The following SFXN5 variants were observed in gnomAD, a reference collection of about 807,000 sequenced individuals.
SFXN5 encodes the protein sideroflexin 5.
A neutral mutation model predicts 50.2 loss-of-function variants in SFXN5; 43 were observed. The observed-to-expected ratio is 0.86, with a 90% confidence interval of 0.67 to 1.11. The LOEUF (loss-of-function observed/expected upper bound fraction) is 1.11, where lower values mean the gene tolerates loss of function less well. Among genes scored for constraint, SFXN5 ranks in the 50% least tolerant of loss-of-function variants. The pLI, the probability that SFXN5 is intolerant of heterozygous loss-of-function variation, is 0.00. For missense variants in SFXN5, 463 were observed against 454.1 expected (o/e 1.02, Z -0.18); for synonymous variants, 203 against 185.8 (o/e 1.09, Z -0.75).
rs375578953 is a variant in SFXN5, at chr2:73,022,482, C to A, written c.331+40G>T. ...CCTGGAACTGTGACTGGAGTAAGCACCCCAGGCTGACCAGAACCAGAAGGG... is the reference window on the plus strand; with the variant it reads ...CCTGGAACTGTGACTGGAGTAAGCAACCCAGGCTGACCAGAACCAGAAGGG... On this transcript the variant is annotated intron_variant, in intron 5 of 13. Transcript: ENST00000272433. The A allele has an allele frequency of 7.1e-6, 11 of 1,549,702 alleles. 1 individual carries two copies. In the Middle Eastern group the frequency reaches 5.0e-4, roughly 71 times the overall value.
intron 1 of SFXN5, among the ~76,000 whole-genome samples, chr2:73,066,570 AT>A (rs1388631382): frequency 7.9e-5 from 12 of 152,194 alleles, no homozygotes; most frequent in African/African-American, 2.6e-4. Flanking sequence ...AAAAAAAAAA[AT>A]AAAAGATACA....
At chr2:72,984,918 G>A (rs1671719136) in intron 10 of SFXN5, among the ~76,000 whole-genome samples, 1 of 152,176 alleles carries the variant, frequency 6.6e-6, no homozygotes, top group Non-Finnish European at 1.5e-5. Flanking sequence ...CTGCAGAGGA[G>A]CTGGCAGAGC....
chr2:73,058,691 C>G, intron 1 of SFXN5, 95 bp from the exon 2 acceptor site: 1 of 1,190,580 alleles, frequency 8.4e-7, no homozygotes, highest in South Asian at 1.2e-5. Flanking sequence ...ATTGGGGTCC[C>G]CCGGTCCCCA....
chr2:73,047,281 C>CAT lies in SFXN5; in HGVS notation c.172-6352_172-6351dup, dbSNP rs372933316. Among the ~76,000 whole-genome samples, 183 of 58,430 alleles carry CAT rather than the reference C, an allele frequency of 3.1e-3. 5 individuals are homozygous for CAT. Among genetic ancestry groups the CAT allele is most frequent in the Admixed American group, 0.022 (83 of 3,754 alleles). The allele number at this position is 58,430 out of a possible 152,430, so 38.3% of individuals were successfully genotyped here. On this transcript the variant is annotated intron_variant, in intron 2 of 13. Transcript: ENST00000272433. Reference sequence around the variant, plus strand: ...ATATATATATATATATATATACACACATATATATATATATATAAAATATAT... The same window carrying CAT: ...ATATATATATATATATATATACACACATATATATATATATATATAAAATATAT...
intron 3 of SFXN5, among the ~76,000 whole-genome samples, chr2:73,038,187 G>A (rs1405472023): frequency 6.6e-6 from 1 of 152,212 alleles, no homozygotes; most frequent in Non-Finnish European, 1.5e-5. Context: ...CTGGTTACAA[G>A]CCTGGGTAGT....
intron 6 of SFXN5, among the ~76,000 whole-genome samples, chr2:73,003,790 G>A (rs1674237804): frequency 6.6e-6 from 1 of 152,082 alleles, no homozygotes; most frequent in South Asian, 2.1e-4. Context: ...ACTAGTATTT[G>A]GGCTATGTAC....
chr2:72,964,708 G>A (rs552696106), intron 12 of SFXN5, among the ~76,000 whole-genome samples: 5 of 152,222 alleles, frequency 3.3e-5, no homozygotes, highest in Non-Finnish European at 7.3e-5. Flanking sequence ...AACCCGGGCT[G>A]AACTTTTCTT....
At chr2:73,036,901 C>T (rs1679049849) in intron 3 of SFXN5, among the ~76,000 whole-genome samples, 1 of 152,206 alleles carries the variant, frequency 6.6e-6, no homozygotes, top group African/African-American at 2.4e-5. Flanking sequence ...GAGATCGCAG[C>T]CTGCCCTCCC....
chr2:73,051,508 G>A (rs989424312), intron 2 of SFXN5, among the ~76,000 whole-genome samples: 1 of 151,972 alleles, frequency 6.6e-6, no homozygotes, highest in Admixed American at 6.6e-5. Flanking sequence ...CACCTGCCTC[G>A]GCCTCCCAAA....
intron 1 of SFXN5, among the ~76,000 whole-genome samples, chr2:73,069,171 G>A (rs1301171845): frequency 6.6e-6 from 1 of 152,136 alleles, no homozygotes; most frequent in African/African-American, 2.4e-5. Context: ...CAAGGGCGTA[G>A]GGAGTCCCTT....
chr2:72,996,296 C>T lies in SFXN5; in HGVS notation c.534+2653G>A, dbSNP rs139858725. 7.0e-4 allele frequency among the ~76,000 whole-genome samples: 107 copies of T among 152,204 alleles called. 1 individual carries two copies. The highest frequency in any genetic ancestry group is 2.4e-3 in the African/African-American group (99 of 41,544). On this transcript the variant is annotated intron_variant, in intron 9 of 13. Coordinates refer to ENST00000272433, the MANE Select transcript of SFXN5 (RefSeq NM_144579.3). Reference sequence around the variant, plus strand: ...AGCACAGGCACAGCCCCGCGTGAGGCCCCAGCCCCTGCCCAGCAAGAGCTC... The same window carrying T: ...AGCACAGGCACAGCCCCGCGTGAGGTCCCAGCCCCTGCCCAGCAAGAGCTC...
chr2:72,950,822 C>G lies in SFXN5; in HGVS notation c.946-5723G>C, dbSNP rs960635065. On this transcript the variant is annotated intron_variant, in intron 13 of 13. Coordinates refer to ENST00000272433, the MANE Select transcript of SFXN5 (RefSeq NM_144579.3). The surrounding 1 kb of genome is among the most constrained non-coding windows in gnomAD (Gnocchi z 4.2). ...AGGCCAGAGCCCCAGGGCAGTGGGTCGAGGGGCAGGGACTTGGCTGTGACC... is the reference window on the plus strand; with the variant it reads ...AGGCCAGAGCCCCAGGGCAGTGGGTGGAGGGGCAGGGACTTGGCTGTGACC... Among the ~76,000 whole-genome samples, 2 of 152,232 alleles carry G rather than the reference C, an allele frequency of 1.3e-5. No homozygotes were observed. Among genetic ancestry groups the G allele is most frequent in the African/African-American group, 4.8e-5 (2 of 41,452 alleles).
intron 13 of SFXN5, among the ~76,000 whole-genome samples, chr2:72,959,194 G>A (rs1009699201): frequency 1.3e-5 from 2 of 152,156 alleles, no homozygotes; most frequent in African/African-American, 4.8e-5. Flanking sequence ...CTTCTTGTGA[G>A]CTCAATGCAG....
chr2:73,066,315 T>C (rs1238688651), intron 1 of SFXN5, among the ~76,000 whole-genome samples: 2 of 152,148 alleles, frequency 1.3e-5, no homozygotes, highest in Non-Finnish European at 2.9e-5. Context: ...CCCAGCACTT[T>C]GGGAGGCCGA....
rs76591457 is a variant in SFXN5 at position 73,067,904 on chromosome 2, T to C, written c.102+3700A>G. Reference sequence around the variant, plus strand: ...ATCTGTTTGTGTGCTGTAGTTTTCTTACCCATAAATTGGAGATCATTGCAC... The same window carrying C: ...ATCTGTTTGTGTGCTGTAGTTTTCTCACCCATAAATTGGAGATCATTGCAC... On this transcript the variant is annotated intron_variant, in intron 1 of 13. Transcript: ENST00000272433. 1.1e-4 allele frequency among the ~76,000 whole-genome samples: 16 copies of C among 152,322 alleles called. No individual in the cohort carries two copies. The East Asian group carries it at 3.1e-3, about 29-fold the overall frequency.
intron 11 of SFXN5, among the ~76,000 whole-genome samples, chr2:72,968,928 G>A (rs746183092): frequency 2.0e-5 from 3 of 151,762 alleles, no homozygotes; most frequent in Admixed American, 6.6e-5. Flanking sequence ...TCAGCCTCCC[G>A]AGTAGCTGGG....
chr2:73,050,849 G>T (rs1327990752), intron 2 of SFXN5, among the ~76,000 whole-genome samples: 1 of 152,162 alleles, frequency 6.6e-6, no homozygotes, highest in Non-Finnish European at 1.5e-5. Flanking sequence ...AAATATGTAT[G>T]CTCTGCTTCC....
Position 72,992,084 on chromosome 2 carries a change from T to C in SFXN5, c.535-3736A>G, listed in dbSNP as rs1314389194. Among the ~76,000 whole-genome samples the C allele has an allele frequency of 1.3e-5, 2 of 152,106 alleles. No individual in the cohort carries two copies. The highest frequency in any genetic ancestry group is 2.9e-5 in the Non-Finnish European group (2 of 68,018). ...ACCAGGGCTCAGGCCCCACAGGACA[T>C]CAGCAACATCCTGAAGGAGGGAATA... On this transcript the variant is annotated intron_variant, in intron 9 of 13. Transcript: ENST00000272433. This position sits in a 1 kb window ranked among gnomAD's most constrained non-coding sequence, Gnocchi z 4.5.
intron 2 of SFXN5, among the ~76,000 whole-genome samples, chr2:73,046,583 G>A (rs1680355902): frequency 6.6e-6 from 1 of 152,006 alleles, no homozygotes; most frequent in Admixed American, 6.6e-5. Flanking sequence ...TGAGGGTGAG[G>A]TGGGAGGATC....
Sources: allele counts gnomAD v4.1 joint callset (sites outside exome capture counted in the v4.1 genomes callset), GRCh38; gene constraint gnomAD v4.1.1; non-coding constraint Gnocchi (gnomAD v3.1); transcripts MANE v1.5; gene names NCBI Gene and HGNC (gene_info 2026-07-23, HGNC 2026-07-21).